Variants in PCSK5 observed in about 807,000 individuals in gnomAD.
PCSK5 encodes proprotein convertase subtilisin/kexin type 5, also known as prohormone convertase 5.
Under a neutral mutation model 233.2 loss-of-function variants are expected in PCSK5, and 129 were observed. The observed-to-expected ratio is 0.55, with a 90% CI of 0.48 to 0.64. The LOEUF is 0.64. Ranked by LOEUF, PCSK5 falls within the 30% of genes least tolerant of loss-of-function variation. The pLI, the probability that PCSK5 is intolerant of heterozygous loss-of-function variation, is 0.00. For missense variants in PCSK5, 2,076 were observed against 2,430.1 expected, an observed-to-expected ratio of 0.85 and a Z score of 3.06; for synonymous variants, 825 against 879.2, an observed-to-expected ratio of 0.94 and a Z score of 1.09.
At chr9:75,928,631 ATATATAT>A (rs1823627429) in intron 1 of PCSK5, among the ~76,000 whole-genome samples, 3 of 131,086 alleles carry the variant, frequency 2.3e-5, no homozygotes, top group African/African-American at 9.0e-5. Context: ...ATATATATAT[ATATATAT>A]AATCCTAGAA....
rs772026463 is a variant in PCSK5, at chr9:76,189,125, A to G, written c.2412A>G (p.Thr804=). The change falls in exon 19 of 38, where the codon ACA becomes ACG. Residue 804 remains threonine (T), a synonymous_variant. Coordinates refer to ENST00000674117, the MANE Select transcript of PCSK5 (RefSeq NM_001372043.1). ...GAGADGCINC[T]EGYFMEDGRC... ...GAGCTGATGGGTGCATTAACTGCAC[A>G]GAGGGCTACTTCATGGAGGATGGGA... is the stretch of plus-strand genomic sequence containing the variant. The G allele has an allele frequency of 5.6e-6, 9 of 1,613,402 alleles. No homozygotes were observed. The highest frequency in any genetic ancestry group is 7.6e-6 in the Non-Finnish European group (9 of 1,179,594).
chr9:76,328,569 C>T (rs542970153), intron 33 of PCSK5, among the ~76,000 whole-genome samples: 1 of 152,220 alleles, frequency 6.6e-6, no homozygotes, highest in South Asian at 2.1e-4. Flanking sequence ...ACATCATTCC[C>T]AATACATATT....
intron 9 of PCSK5, among the ~76,000 whole-genome samples, chr9:76,115,101 G>T (rs530855866): frequency 6.6e-6 from 1 of 152,204 alleles, no homozygotes; most frequent in East Asian, 1.9e-4. Flanking sequence ...GGTAAATTGT[G>T]ATATCATCTA....
At chr9:76,333,019 A>C (rs1829578990) in intron 34 of PCSK5, among the ~76,000 whole-genome samples, 1 of 152,158 alleles carries the variant, frequency 6.6e-6, no homozygotes, top group African/African-American at 2.4e-5. Flanking sequence ...TAAAATATTA[A>C]AATAAGATTA....
At chr9:75,901,242 C>T (rs1196255231) in intron 1 of PCSK5, among the ~76,000 whole-genome samples, 1 of 152,084 alleles carries the variant, frequency 6.6e-6, no homozygotes, top group African/African-American at 2.4e-5. Flanking sequence ...CAATTATAGA[C>T]TGGATAAAGA....
chr9:76,250,425 C>A (rs562880265), intron 24 of PCSK5, among the ~76,000 whole-genome samples: 1 of 152,282 alleles, frequency 6.6e-6, no homozygotes, highest in East Asian at 1.9e-4. Flanking sequence ...ACAAACACTA[C>A]GTCATACATG....
chr9:76,301,106 T>C (rs1828585527), intron 27 of PCSK5, among the ~76,000 whole-genome samples: 1 of 151,876 alleles, frequency 6.6e-6, no homozygotes, highest in Non-Finnish European at 1.5e-5. Context: ...ACCCTGTCTC[T>C]ACTAAAAATA....
chr9:76,002,749 C>T (rs974030196), intron 3 of PCSK5, among the ~76,000 whole-genome samples: 29 of 152,152 alleles, frequency 1.9e-4, no homozygotes, highest in Non-Finnish European at 2.9e-5. Context: ...AATTTATTGG[C>T]TTCTTGAACT....
At chr9:76,358,451 CTCTAT>C (rs1184407082) in intron 37 of PCSK5, 57 bp from the exon 38 acceptor site, 1 of 1,310,744 alleles carries the variant, frequency 7.6e-7, no homozygotes, top group Admixed American at 2.2e-5. Flanking sequence ...AACTAATTTT[CTCTAT>C]TCTATTTCTT....
intron 30 of PCSK5, among the ~76,000 whole-genome samples, chr9:76,311,351 T>TA (rs61133669): frequency 0.057 from 8,151 of 143,138 alleles, 273 homozygotes; most frequent in Non-Finnish European, 0.08. Flanking sequence ...ACCCTGTCTT[T>TA]AAAAAAAAAA....
chr9:76,119,638 G>T (rs1354638442), intron 9 of PCSK5, among the ~76,000 whole-genome samples: 7 of 151,676 alleles, frequency 4.6e-5, no homozygotes, highest in African/African-American at 1.5e-4. Flanking sequence ...ATTCTTTTTT[G>T]AGTTTTTAAT....
At chr9:76,036,936 C>T (rs1345495023) in intron 5 of PCSK5, among the ~76,000 whole-genome samples, 1 of 152,252 alleles carries the variant, frequency 6.6e-6, no homozygotes, top group African/African-American at 2.4e-5. Context: ...CACTTAATAA[C>T]TTGGCTGTAC....
At chr9:76,165,492 A>G (rs911868913) in intron 12 of PCSK5, among the ~76,000 whole-genome samples, 1 of 152,218 alleles carries the variant, frequency 6.6e-6, no homozygotes, top group African/African-American at 2.4e-5. Flanking sequence ...TTATTTCCTG[A>G]GTTAATTCCT....
At chr9:76,155,120 A>G (rs1229677690) in intron 10 of PCSK5, among the ~76,000 whole-genome samples, 1 of 152,202 alleles carries the variant, frequency 6.6e-6, no homozygotes, top group Non-Finnish European at 1.5e-5. Context: ...TATCCGTGCC[A>G]TAGCAAAATA....
rs1006919716 is a variant in PCSK5, at chr9:76,216,018, G to A, written c.2627-11485G>A. ...GGGAGAGTTTGAAGGCACTGCAATC[G>A]GCTCTTCTACCAGAGGGACTGAATT... On this transcript the variant is annotated intron_variant, in intron 20 of 37. Transcript: ENST00000674117. Among the ~76,000 whole-genome samples the A allele has an allele frequency of 5.3e-5, 8 of 152,212 alleles. No individual in the cohort carries two copies. The East Asian group carries it at 7.7e-4, about 15-fold the overall frequency.
intron 21 of PCSK5, among the ~76,000 whole-genome samples, chr9:76,230,381 C>T (rs1300390510): frequency 3.3e-5 from 5 of 152,188 alleles, no homozygotes; most frequent in Admixed American, 1.3e-4. Context: ...AAAGACAGCC[C>T]CTTTCCTACA....
At chr9:75,915,691 C>T (rs1822956990) in intron 1 of PCSK5, among the ~76,000 whole-genome samples, 1 of 152,076 alleles carries the variant, frequency 6.6e-6, no homozygotes, top group South Asian at 2.1e-4. Flanking sequence ...GTGTAGAAGC[C>T]TCTGATTAAA....
chr9:76,065,307 G>T (rs565669336), intron 5 of PCSK5, among the ~76,000 whole-genome samples: 1 of 152,058 alleles, frequency 6.6e-6, no homozygotes, highest in South Asian at 2.1e-4. Flanking sequence ...TCATTTCTTC[G>T]ATCTGTTTTT....
intron 10 of PCSK5, among the ~76,000 whole-genome samples, chr9:76,135,141 C>T (rs1245178896): frequency 6.6e-6 from 1 of 151,966 alleles, no homozygotes; most frequent in Non-Finnish European, 1.5e-5. Context: ...GTAACATGGT[C>T]CTGGGCAAGT....
Sources: allele counts gnomAD v4.1 joint callset (sites outside exome capture counted in the v4.1 genomes callset), GRCh38; gene constraint gnomAD v4.1.1; transcripts MANE v1.5; gene names NCBI Gene and HGNC (gene_info 2026-07-23, HGNC 2026-07-21).